Variants in EPHA3 observed in about 807,000 individuals in gnomAD.
The protein encoded by EPHA3 is ephrin type-A receptor 3.
EPHA3 carries 42 observed loss-of-function variants against 107.1 expected under a neutral mutation model. That is an observed-to-expected ratio of 0.39 (90% CI 0.31 to 0.51). EPHA3 has a LOEUF of 0.51. Among genes scored for constraint, EPHA3 ranks in the 20% least tolerant of loss-of-function variants. The probability of loss-of-function intolerance (pLI) is 0.78; values close to 1 mark genes in which losing one functional copy is unlikely to be tolerated. For missense variants in EPHA3, 1,183 were observed against 1,211.2 expected (o/e 0.98, Z 0.35); for synonymous variants, 461 against 424.8 (o/e 1.09, Z -1.05).
intron 5 of EPHA3, among the ~76,000 whole-genome samples, chr3:89,384,531 C>A (rs559895099): frequency 2.0e-5 from 3 of 152,154 alleles, no homozygotes; most frequent in African/African-American, 7.2e-5. Context: ...AACGTTTAGG[C>A]TCTAACAAAC....
Position 89,219,688 on chromosome 3 carries a change from G to GTGTTTTTTTT in EPHA3, c.814+9169_814+9170insGTTTTTTTTT. Among the ~76,000 whole-genome samples, 150 of 34,432 alleles carry GTGTTTTTTTT rather than the reference G, an allele frequency of 4.4e-3. 53 individuals carry two copies. The highest frequency in any genetic ancestry group is 6.2e-3 in the Non-Finnish European group (118 of 19,118). 22.6% of individuals were successfully genotyped at this position (34,432 alleles called of 152,430 possible). On this transcript the variant is annotated intron_variant, in intron 3 of 16. Coordinates refer to ENST00000336596, the MANE Select transcript of EPHA3 (RefSeq NM_005233.6). ...TTACCTCCAAGAGGCATTTGGCAAT[G>GTGTTTTTTTT]TTTTTTTTTTTTTTGTTTTTTGTTT...
At chr3:89,282,578 T>A (rs1282727594) in intron 3 of EPHA3, among the ~76,000 whole-genome samples, 7 of 152,116 alleles carry the variant, frequency 4.6e-5, no homozygotes, top group Non-Finnish European at 1.0e-4. Context: ...TCATTGCCTT[T>A]AATAACAGGC....
rs375577497 is a variant in EPHA3, at chr3:89,299,886, C to T, written c.815-41030C>T. ...GATAGCCGTAAGTAACGACTACTCT[C>T]ACAGTTCTGCCTATCAACAATCTAA... On this transcript the variant is annotated intron_variant, in intron 3 of 16. Transcript: ENST00000336596. Among the ~76,000 whole-genome samples, 35 of 152,118 alleles carry T rather than the reference C, an allele frequency of 2.3e-4. No individual in the cohort carries two copies. In the East Asian group the frequency reaches 2.5e-3, roughly 11 times the overall value.
chr3:89,420,257 G>A (rs1341016926), intron 11 of EPHA3, among the ~76,000 whole-genome samples: 14 of 151,450 alleles, frequency 9.2e-5, no homozygotes, highest in African/African-American at 2.2e-4. Flanking sequence ...ATACTCTATC[G>A]TTACCAACAG....
chr3:89,393,450 T>A (rs1162452836), intron 5 of EPHA3, among the ~76,000 whole-genome samples: 1 of 152,200 alleles, frequency 6.6e-6, no homozygotes, highest in African/African-American at 2.4e-5. Flanking sequence ...GTTTTCTCAC[T>A]TTTCTTTTTT....
intron 3 of EPHA3, among the ~76,000 whole-genome samples, chr3:89,238,076 A>C (rs1476839733): frequency 6.6e-6 from 1 of 152,190 alleles, no homozygotes; most frequent in African/African-American, 2.4e-5. Flanking sequence ...GTCGAATTCC[A>C]AGGCAGAATT....
chr3:89,296,464 T>C (rs1242849267), intron 3 of EPHA3, among the ~76,000 whole-genome samples: 1 of 152,200 alleles, frequency 6.6e-6, no homozygotes, highest in Non-Finnish European at 1.5e-5. Flanking sequence ...TGAGAAGTAA[T>C]ATTCTGAAAG....
In EPHA3 at chr3:89,419,108, T is replaced by C. The variant is rs1052172902; in HGVS notation, c.1889-97T>C. The C allele has an allele frequency of 6.9e-6, 9 of 1,296,202 alleles. No individual in the cohort carries two copies. The African/African-American group carries it at 1.2e-4, about 17-fold the overall frequency. The allele number at this position is 1,296,202 out of a possible 1,614,324, so 80.3% of individuals were successfully genotyped here. The stretch of plus-strand genomic sequence containing the variant: ...ATCTTGCAGGTCAAAGGCACAAATA[T>C]TTTAAATGGAAATTTTGAAATAAAA... On this transcript the variant is annotated intron_variant, in intron 10 of 16. Transcript: ENST00000336596.
rs1489991103 is a variant in EPHA3, at chr3:89,419,400, G to A, written c.2074+10G>A. On this transcript the variant is annotated intron_variant, in intron 11 of 16. Transcript: ENST00000336596. ...GGAGTTGTTACCAAAAGTAAGTAAA[G>A]TAGTCATAAGACCTGTGTTTCCGTA... The A allele has an allele frequency of 6.3e-6, 10 of 1,578,022 alleles. No homozygotes were observed. The highest frequency in any genetic ancestry group is 8.6e-6 in the Non-Finnish European group (10 of 1,163,474).
At chr3:89,171,382 T>G (rs1482436983) in intron 2 of EPHA3, among the ~76,000 whole-genome samples, 1 of 152,152 alleles carries the variant, frequency 6.6e-6, no homozygotes, top group Non-Finnish European at 1.5e-5. Context: ...CTAAAGAAGG[T>G]GATACTGTCT....
intron 3 of EPHA3, among the ~76,000 whole-genome samples, chr3:89,214,758 A>G (rs963936728): frequency 6.6e-6 from 1 of 151,818 alleles, no homozygotes; most frequent in Admixed American, 6.6e-5. Flanking sequence ...TCATAGTATG[A>G]ATCTTCCCAC....
At chr3:89,413,373 A>G (rs920500895) in intron 10 of EPHA3, 107 bp downstream of exon 10, 73 of 1,411,222 alleles carry the variant, frequency 5.2e-5, no homozygotes, top group Non-Finnish European at 7.0e-5. Flanking sequence ...TTCTGATTTC[A>G]TGATCAAAGG....
At chr3:89,243,089 A>AT (rs1175185593) in intron 3 of EPHA3, among the ~76,000 whole-genome samples, 1 of 151,708 alleles carries the variant, frequency 6.6e-6, no homozygotes, top group Non-Finnish European at 1.5e-5. Flanking sequence ...TGAACTCATC[A>AT]TTTTTTATGG....
At chr3:89,216,166 T>A (rs13074298) in intron 3 of EPHA3, among the ~76,000 whole-genome samples, 1 of 151,954 alleles carries the variant, frequency 6.6e-6, no homozygotes, top group Non-Finnish European at 1.5e-5. Flanking sequence ...GAGACTATGG[T>A]AATGTATGGG....
chr3:89,262,259 C>A (rs1705434323), intron 3 of EPHA3, among the ~76,000 whole-genome samples: 1 of 152,130 alleles, frequency 6.6e-6, no homozygotes. Context: ...GCTGCTATAA[C>A]AATTTACTAC....
chr3:89,204,057 T>G (rs928170560), intron 2 of EPHA3, among the ~76,000 whole-genome samples: 2 of 152,188 alleles, frequency 1.3e-5, no homozygotes, highest in Non-Finnish European at 2.9e-5. Flanking sequence ...ATGCCCAATA[T>G]TGGTGAGAAT....
intron 2 of EPHA3, among the ~76,000 whole-genome samples, chr3:89,164,747 A>C (rs1705026825): frequency 6.6e-6 from 1 of 152,182 alleles, no homozygotes; most frequent in South Asian, 2.1e-4. Flanking sequence ...CTCTCTAGAG[A>C]GCATACAATT....
intron 6 of EPHA3, among the ~76,000 whole-genome samples, chr3:89,397,661 G>A (rs1390852424): frequency 2.1e-5 from 3 of 139,978 alleles, no homozygotes; most frequent in South Asian, 2.4e-4. Context: ...TCGGCTCACC[G>A]CCACCTCCGC....
chr3:89,159,288 G>A (rs1437348955), intron 2 of EPHA3, among the ~76,000 whole-genome samples: 2 of 152,078 alleles, frequency 1.3e-5, no homozygotes, highest in African/African-American at 4.8e-5. Context: ...GCTCTTAGTT[G>A]TAAGCATTGG....
Sources: gnomAD v4.1 joint callset for allele counts (sites outside exome capture counted in the v4.1 genomes callset) on GRCh38, gnomAD v4.1.1 for gene constraint, MANE v1.5 for transcripts, NCBI Gene and HGNC (gene_info 2026-07-23, HGNC 2026-07-21) for gene names.